The following KLHL1 variants were observed in gnomAD, a reference collection of about 807,000 sequenced individuals.
KLHL1 encodes the protein kelch-like protein 1.
In KLHL1, 47 loss-of-function variants were observed where a neutral mutation model predicts 77.7. That is an observed-to-expected ratio of 0.60 (90% CI 0.48 to 0.77). The LOEUF is 0.77. Ranked by LOEUF, KLHL1 falls within the 30% of genes least tolerant of loss-of-function variation. KLHL1 has a pLI of 0.00. For missense variants in KLHL1, 925 were observed against 910.8 expected, an observed-to-expected ratio of 1.02 and a Z score of -0.20; for synonymous variants, 360 against 325.2, an observed-to-expected ratio of 1.11 and a Z score of -1.15.
chr13:70,074,775 C>T (rs1887220334), intron 1 of KLHL1, among the ~76,000 whole-genome samples: 1 of 150,922 alleles, frequency 6.6e-6, no homozygotes, highest in African/African-American at 2.4e-5. Flanking sequence ...TTGATCATAG[C>T]CAGTACAATA....
At chr13:70,005,912 T>C (rs963918726) in intron 1 of KLHL1, among the ~76,000 whole-genome samples, 1 of 152,016 alleles carries the variant, frequency 6.6e-6, no homozygotes, top group Non-Finnish European at 1.5e-5. Context: ...GAAGTGCTCA[T>C]TATTGTATTA....
chr13:70,079,415 T>C (rs1887341085), intron 1 of KLHL1, among the ~76,000 whole-genome samples: 1 of 152,220 alleles, frequency 6.6e-6, no homozygotes, highest in Non-Finnish European at 1.5e-5. Context: ...CCTACTTAAG[T>C]ACCAAGATAT....
intron 3 of KLHL1, among the ~76,000 whole-genome samples, chr13:69,952,707 A>G (rs533100277): frequency 6.6e-6 from 1 of 151,430 alleles, no homozygotes; most frequent in South Asian, 2.1e-4. Flanking sequence ...GCATCCTTCA[A>G]CTGAGGGAGA....
At chr13:69,997,980 T>A (rs1566485227) in intron 1 of KLHL1, among the ~76,000 whole-genome samples, 1 of 151,856 alleles carries the variant, frequency 6.6e-6, no homozygotes, top group Non-Finnish European at 1.5e-5. Context: ...AGAAGTGGGA[T>A]CACTGAATTA....
chr13:69,859,443 T>A (rs1880051096), intron 5 of KLHL1, among the ~76,000 whole-genome samples: 1 of 151,860 alleles, frequency 6.6e-6, no homozygotes, highest in Admixed American at 6.6e-5. Context: ...GTGGCTGTAG[T>A]GGTGTCTTTT....
At chr13:69,910,034 G>A (rs542888588) in intron 4 of KLHL1, among the ~76,000 whole-genome samples, 10 of 151,940 alleles carry the variant, frequency 6.6e-5, no homozygotes, top group South Asian at 2.1e-4. Flanking sequence ...ATTCCACTTC[G>A]CTATCATCAT....
intron 2 of KLHL1, among the ~76,000 whole-genome samples, chr13:69,967,222 C>A (rs923783957): frequency 2.0e-5 from 3 of 152,070 alleles, no homozygotes; most frequent in African/African-American, 7.2e-5. Context: ...AGGCATCTGG[C>A]AAAGTAAATT....
At chr13:69,713,786 T>C (rs1875987375) in intron 9 of KLHL1, among the ~76,000 whole-genome samples, 1 of 152,134 alleles carries the variant, frequency 6.6e-6, no homozygotes, top group African/African-American at 2.4e-5. Context: ...ATGGTTACCC[T>C]TAGAGACAAT....
At chr13:69,891,882 G>T (rs1881434222) in intron 4 of KLHL1, among the ~76,000 whole-genome samples, 23 of 151,748 alleles carry the variant, frequency 1.5e-4, no homozygotes. Flanking sequence ...GGAGCCTATA[G>T]AAATAATTTA....
chr13:69,777,251 T>A (rs192899267), intron 7 of KLHL1, among the ~76,000 whole-genome samples: 1 of 152,288 alleles, frequency 6.6e-6, no homozygotes, highest in Admixed American at 6.5e-5. Context: ...AACCTCTTTT[T>A]CTTTTTAAAT....
rs868304480 is a variant in KLHL1, at chr13:69,978,762, C to G, written c.498-2960G>C. 3.9e-5 allele frequency among the ~76,000 whole-genome samples: 6 copies of G among 152,270 alleles called. No individual in the cohort carries two copies. The South Asian group carries it at 1.0e-3, about 26-fold the overall frequency. On this transcript the variant is annotated intron_variant, in intron 1 of 10. Transcript: ENST00000377844. ...TTGGCCCCCCAAAGTGCTGGGATTACAGGCGTGAGCCACTGTGCCTGGCCT... is the reference window on the plus strand; with the variant it reads ...TTGGCCCCCCAAAGTGCTGGGATTAGAGGCGTGAGCCACTGTGCCTGGCCT...
chr13:69,930,433 C>A (rs1370249702), intron 4 of KLHL1, among the ~76,000 whole-genome samples: 1 of 151,672 alleles, frequency 6.6e-6, no homozygotes, highest in African/African-American at 2.4e-5. Context: ...ACTTAAAAAC[C>A]AAGCTTTAGA....
rs138850842 is a variant in KLHL1 at position 70,034,043 on chromosome 13, G to C, written c.498-58241C>G. Among the ~76,000 whole-genome samples the C allele has an allele frequency of 1.6e-3, 247 of 152,150 alleles. 1 individual carries two copies. The highest frequency in any genetic ancestry group is 6.8e-3 in the Middle Eastern group (2 of 294). On this transcript the variant is annotated intron_variant, in intron 1 of 10. Transcript: ENST00000377844. The stretch of plus-strand genomic sequence containing the variant: ...GGGAATCACAGCACTTCCCTAAATA[G>C]AGTCAAAAAATAACACTGCTTTAGT...
intron 8 of KLHL1, among the ~76,000 whole-genome samples, chr13:69,734,394 G>A (rs777990920): frequency 3.8e-4 from 57 of 151,940 alleles, no homozygotes; most frequent in Non-Finnish European, 7.4e-4. Flanking sequence ...TCCCAGTTTC[G>A]GGTATTTCTT....
chr13:70,079,937 T>C (rs1284523521), intron 1 of KLHL1, among the ~76,000 whole-genome samples: 1 of 152,230 alleles, frequency 6.6e-6, no homozygotes, highest in African/African-American at 2.4e-5. Context: ...TAGGATGTTT[T>C]CTTGCTGATC....
chr13:69,845,641 C>T (rs1879430001), intron 5 of KLHL1, among the ~76,000 whole-genome samples: 2 of 151,318 alleles, frequency 1.3e-5, no homozygotes, highest in Non-Finnish European at 3.0e-5. Flanking sequence ...ATTTTATAAA[C>T]ACACAAAAAA....
At chr13:70,083,117 AC>A (rs1320911100) in intron 1 of KLHL1, among the ~76,000 whole-genome samples, 1 of 152,212 alleles carries the variant, frequency 6.6e-6, no homozygotes, top group Non-Finnish European at 1.5e-5. Flanking sequence ...CATAAGAAGT[AC>A]AACAAAAAAA....
rs570262308 is a variant in KLHL1 at position 69,881,610 on chromosome 13, C to T, written c.1227+673G>A. 3.9e-3 allele frequency among the ~76,000 whole-genome samples: 591 copies of T among 152,236 alleles called. 4 individuals are homozygous for T. Among genetic ancestry groups the T allele is most frequent in the Non-Finnish European group, 5.8e-3 (397 of 68,000 alleles). Reference sequence around the variant, plus strand: ...AGCAAATTAGTTTAAAGATACAAGACTCAGAATCAGAGAGAACTAGCCACT... The same window carrying T: ...AGCAAATTAGTTTAAAGATACAAGATTCAGAATCAGAGAGAACTAGCCACT... On this transcript the variant is annotated intron_variant, in intron 5 of 10. Coordinates refer to ENST00000377844, the MANE Select transcript of KLHL1 (RefSeq NM_020866.3).
At chr13:69,822,354 T>C (rs1878373862) in intron 6 of KLHL1, among the ~76,000 whole-genome samples, 1 of 152,222 alleles carries the variant, frequency 6.6e-6, no homozygotes, top group African/African-American at 2.4e-5. Flanking sequence ...ATTTTAATTA[T>C]ATTTCAAAAT....
Sources: allele counts gnomAD v4.1 joint callset (sites outside exome capture counted in the v4.1 genomes callset), GRCh38; gene constraint gnomAD v4.1.1; transcripts MANE v1.5; gene names NCBI Gene and HGNC (gene_info 2026-07-23, HGNC 2026-07-21).